The following CSMD1 variants were observed in gnomAD, a reference collection of about 807,000 sequenced individuals.
CSMD1 encodes the protein CUB and Sushi multiple domains 1, also known as CUB and sushi domain-containing protein 1.
Under a neutral mutation model 417.5 loss-of-function variants are expected in CSMD1, and 213 were observed. The ratio of observed to expected loss-of-function variants is 0.51; its 90% CI spans 0.46 to 0.57. CSMD1 has a LOEUF of 0.57. CSMD1 is among the 20% of genes least tolerant of loss of function. The pLI is 0.00. For synonymous variants in CSMD1, 2,862 were observed against 1,736.8 expected (o/e 1.65, Z -16.11); for missense variants, 6,923 against 4,529.7 (o/e 1.53, Z -15.17).
chr8:4,050,303 C>T (rs1048539955), intron 3 of CSMD1, among the ~76,000 whole-genome samples: 1 of 152,108 alleles, frequency 6.6e-6, no homozygotes, highest in Non-Finnish European at 1.5e-5. Context: ...AGCAGCAGAA[C>T]TTAAGGAATA....
intron 5 of CSMD1, among the ~76,000 whole-genome samples, chr8:3,897,519 A>G (rs1002198392): frequency 2.6e-5 from 4 of 152,172 alleles, no homozygotes; most frequent in African/African-American, 7.2e-5. Flanking sequence ...TGGAATGCTT[A>G]AAGCCTGTGT....
intron 4 of CSMD1, among the ~76,000 whole-genome samples, chr8:4,022,171 T>C (rs1405799786): frequency 9.1e-6 from 1 of 110,202 alleles, no homozygotes; most frequent in African/African-American, 3.5e-5. Flanking sequence ...TTAATATATA[T>C]GTATATTTAT....
chr8:3,931,475 G>C (rs766306870), intron 5 of CSMD1, among the ~76,000 whole-genome samples: 4 of 149,940 alleles, frequency 2.7e-5, no homozygotes, highest in African/African-American at 9.9e-5. Context: ...CATCAGATTG[G>C]AGCATTTTTA....
At chr8:4,791,387 C>T (rs1196536023) in intron 1 of CSMD1, among the ~76,000 whole-genome samples, 3 of 152,140 alleles carry the variant, frequency 2.0e-5, no homozygotes, top group African/African-American at 7.2e-5. Flanking sequence ...CCAATTCAGC[C>T]CTTTGACTCC....
chr8:4,259,368 A>G (rs756161494), intron 3 of CSMD1, among the ~76,000 whole-genome samples: 1 of 152,160 alleles, frequency 6.6e-6, no homozygotes, highest in Non-Finnish European at 1.5e-5. Flanking sequence ...GCGGATCTCA[A>G]GAAAGGAGAG....
intron 3 of CSMD1, among the ~76,000 whole-genome samples, chr8:4,324,744 G>A (rs1201153037): frequency 2.0e-5 from 3 of 152,068 alleles, no homozygotes; most frequent in African/African-American, 7.3e-5. Context: ...AAGGGTTTCA[G>A]TTTATTTTGT....
chr8:3,201,017 C>G (rs1039598525), intron 32 of CSMD1, among the ~76,000 whole-genome samples: 1 of 152,148 alleles, frequency 6.6e-6, no homozygotes, highest in Non-Finnish European at 1.5e-5. Flanking sequence ...CCATTCAGAA[C>G]TCAGAGTAAG....
Position 4,427,556 on chromosome 8 carries a change from C to T in CSMD1, c.303-7491G>A, listed in dbSNP as rs144347302. On this transcript the variant is annotated intron_variant, in intron 2 of 69. Coordinates refer to ENST00000635120, the MANE Select transcript of CSMD1 (RefSeq NM_033225.6). ...ACAGTGAATCATGTGAGTATATATA[C>T]ATCTTACCAGATTAAAATGTCCGCC... is the stretch of plus-strand genomic sequence containing the variant. 3.6e-3 allele frequency among the ~76,000 whole-genome samples: 546 copies of T among 152,102 alleles called. 2 individuals carry two copies. The highest frequency in any genetic ancestry group is 0.012 in the African/African-American group (518 of 41,486).
At chr8:3,963,818 C>A (rs966708764) in intron 5 of CSMD1, among the ~76,000 whole-genome samples, 1 of 152,064 alleles carries the variant, frequency 6.6e-6, no homozygotes, top group African/African-American at 2.4e-5. Flanking sequence ...GAAATAAAAT[C>A]AACATCAAAT....
chr8:3,502,451 T>G (rs1261733957), intron 10 of CSMD1, among the ~76,000 whole-genome samples: 1 of 151,272 alleles, frequency 6.6e-6, no homozygotes, highest in Non-Finnish European at 1.5e-5. Flanking sequence ...TCGCCAAAAT[T>G]AGGAAGCAAC....
intron 3 of CSMD1, among the ~76,000 whole-genome samples, chr8:4,276,811 G>C (rs1007394505): frequency 6.6e-6 from 1 of 151,988 alleles, no homozygotes; most frequent in Non-Finnish European, 1.5e-5. Flanking sequence ...TTTTCCCTGA[G>C]AACTAAATCT....
chr8:4,967,887 C>G (rs1464298050), intron 1 of CSMD1, among the ~76,000 whole-genome samples: 1 of 152,092 alleles, frequency 6.6e-6, no homozygotes, highest in Admixed American at 6.6e-5. Context: ...TCCTGCAGTA[C>G]CATACCGTGT....
At chr8:3,157,824 A>AC (rs1819628564) in intron 39 of CSMD1, 73 bp downstream of exon 39, 1 of 1,216,832 alleles carries the variant, frequency 8.2e-7, no homozygotes, top group Non-Finnish European at 1.2e-6. Context: ...GCATTCTTTG[A>AC]CCCCAAGAGT....
intron 1 of CSMD1, among the ~76,000 whole-genome samples, chr8:4,810,906 C>G (rs1457137256): frequency 6.6e-6 from 1 of 152,116 alleles, no homozygotes; most frequent in Admixed American, 6.6e-5. Flanking sequence ...ATAAAATTAA[C>G]TGCTACCTCT....
intron 3 of CSMD1, among the ~76,000 whole-genome samples, chr8:4,127,176 T>C (rs1443743071): frequency 2.0e-5 from 3 of 152,042 alleles, no homozygotes; most frequent in South Asian, 2.1e-4. Context: ...ATATTTAAAG[T>C]TCCTGCTATC....
intron 3 of CSMD1, among the ~76,000 whole-genome samples, chr8:4,116,470 G>C (rs946218739): frequency 3.8e-5 from 5 of 133,328 alleles, no homozygotes; most frequent in Non-Finnish European, 8.0e-5. Flanking sequence ...GAACAAACGC[G>C]CCATGAATGA....
chr8:3,118,759 G>T (rs187244182), intron 41 of CSMD1, among the ~76,000 whole-genome samples, 172 bp from the exon 42 acceptor site: 273 of 152,308 alleles, frequency 1.8e-3, no homozygotes, highest in South Asian at 8.1e-3. Context: ...ATTATTATTA[G>T]TAGTAGTAGA....
intron 5 of CSMD1, among the ~76,000 whole-genome samples, chr8:3,786,352 C>G (rs1391150709): frequency 2.6e-5 from 4 of 152,026 alleles, no homozygotes; most frequent in African/African-American, 9.7e-5. Context: ...AGACCACGGG[C>G]TTGGGTGACC....
chr8:3,300,082 G>C (rs1015675606), intron 25 of CSMD1, among the ~76,000 whole-genome samples: 1 of 152,148 alleles, frequency 6.6e-6, no homozygotes, highest in Non-Finnish European at 1.5e-5. Flanking sequence ...AAAGGGTGTA[G>C]TTTAAATAAA....
Sources: gnomAD v4.1 joint callset for allele counts (sites outside exome capture counted in the v4.1 genomes callset) on GRCh38, gnomAD v4.1.1 for gene constraint, MANE v1.5 for transcripts, NCBI Gene and HGNC (gene_info 2026-07-23, HGNC 2026-07-21) for gene names.